The following TDRP variants were observed in gnomAD, a reference collection of about 807,000 sequenced individuals.
TDRP encodes the protein testis development related protein.
In TDRP, 12 loss-of-function variants were observed where a neutral mutation model predicts 10.5. The observed-to-expected ratio is 1.15, with a 90% CI of 0.73 to 1.86. The LOEUF (loss-of-function observed/expected upper bound fraction) is 1.86, where lower values mean the gene tolerates loss of function less well. Among genes scored for constraint, TDRP ranks in the 40% most tolerant of loss-of-function variants. The probability of loss-of-function intolerance (pLI) is 0.00; values close to 1 mark genes in which losing one functional copy is unlikely to be tolerated. For missense variants in TDRP, 353 were observed against 229.2 expected, an observed-to-expected ratio of 1.54 and a Z score of -3.49; for synonymous variants, 139 against 95.4, an observed-to-expected ratio of 1.46 and a Z score of -2.67.
chr8:508,479 G>A (rs1801526229), intron 1 of TDRP, among the ~76,000 whole-genome samples: 1 of 152,190 alleles, frequency 6.6e-6, no homozygotes, highest in Admixed American at 6.5e-5. Flanking sequence ...TAATATGGCA[G>A]CATTCAAGAC....
At chr8:496,338 A>AT (rs1472897427) in intron 1 of TDRP, among the ~76,000 whole-genome samples, 1 of 152,212 alleles carries the variant, frequency 6.6e-6, no homozygotes, top group East Asian at 1.9e-4. Flanking sequence ...AATTAAGAAC[A>AT]TAATTCTAGA....
chr8:493,019 G>C (rs956294901), intron 2 of TDRP, among the ~76,000 whole-genome samples: 1 of 152,142 alleles, frequency 6.6e-6, no homozygotes, highest in African/African-American at 2.4e-5. Flanking sequence ...ACACAAGAGA[G>C]AACCTCAAGG....
intron 1 of TDRP, among the ~76,000 whole-genome samples, chr8:498,829 T>C (rs1187724231): frequency 6.6e-6 from 1 of 152,160 alleles, no homozygotes; most frequent in African/African-American, 2.4e-5. Context: ...TTGCTGTTCT[T>C]GTGATAGTGA....
chr8:544,208 G>A (rs148597679), intron 1 of TDRP, among the ~76,000 whole-genome samples: 1 of 152,148 alleles, frequency 6.6e-6, no homozygotes, highest in Non-Finnish European at 1.5e-5. Flanking sequence ...GATGCGCGAT[G>A]ATTCAGGCCT....
intron 2 of TDRP, 43 bp from the exon 3 acceptor site, chr8:492,787 A>T: frequency 7.0e-7 from 1 of 1,428,052 alleles, no homozygotes; most frequent in South Asian, 1.4e-5. Flanking sequence ...CCCAGGTCTT[A>T]GGGCCTCAAG....
chr8:514,972 G>A (rs1801719142), intron 1 of TDRP, among the ~76,000 whole-genome samples: 1 of 152,140 alleles, frequency 6.6e-6, no homozygotes, highest in African/African-American at 2.4e-5. Flanking sequence ...AGACAATCAG[G>A]AAAAGTCATA....
chr8:526,695 G>C (rs1045429513), intron 1 of TDRP, among the ~76,000 whole-genome samples: 1 of 151,962 alleles, frequency 6.6e-6, no homozygotes. Context: ...TTTTATATGA[G>C]GGCAATACTA....
At position 503,915 on chromosome 8, in the gene TDRP, G is replaced by C. The variant is rs61328717; in HGVS notation, c.109-9318C>G. Among the ~76,000 whole-genome samples, 17 of 126,906 alleles carry C rather than the reference G, an allele frequency of 1.3e-4. 1 individual carries two copies. Among genetic ancestry groups the C allele is most frequent in the Admixed American group, 8.8e-4 (11 of 12,470 alleles). 83.3% of individuals were successfully genotyped at this position (126,906 alleles called of 152,430 possible). A position where few individuals can be genotyped will look rare whatever the true frequency, so the allele number is the denominator to read the frequency against. ...GGGTAACCCACCCCCACCTCAGCAC[G>C]CACCAACATGGAATCCAGAGCCACA... is the stretch of plus-strand genomic sequence containing the variant. On this transcript the variant is annotated intron_variant, in intron 1 of 2. Transcript: ENST00000324079.
intron 1 of TDRP, among the ~76,000 whole-genome samples, chr8:531,726 T>C (rs573203177): frequency 4.6e-5 from 7 of 152,332 alleles, no homozygotes; most frequent in African/African-American, 1.7e-4. Context: ...TTTAAAAATA[T>C]CACTATAAAA....
chr8:494,432 A>G, intron 2 of TDRP, 62 bp downstream of exon 2: 1 of 1,514,940 alleles, frequency 6.6e-7, no homozygotes, highest in Non-Finnish European at 9.1e-7. Flanking sequence ...CTTCATTTCC[A>G]CCTCCTCAGT....
At chr8:527,143 G>C (rs1405714016) in intron 1 of TDRP, among the ~76,000 whole-genome samples, 1 of 151,338 alleles carries the variant, frequency 6.6e-6, no homozygotes, top group Non-Finnish European at 1.5e-5. Context: ...ACCAAAAGCA[G>C]ACAATCTGAA....
chr8:544,376 G>A (rs987492978), intron 1 of TDRP, among the ~76,000 whole-genome samples: 1 of 152,082 alleles, frequency 6.6e-6, no homozygotes, highest in Non-Finnish European at 1.5e-5. Context: ...CCTGCAAGCG[G>A]CGAGAACGCC....
chr8:517,243 G>T (rs975808081), intron 1 of TDRP, among the ~76,000 whole-genome samples: 11 of 152,002 alleles, frequency 7.2e-5, no homozygotes, highest in African/African-American at 2.4e-4. Context: ...AGGCCCTAAA[G>T]GAAATAAAAA....
intron 1 of TDRP, among the ~76,000 whole-genome samples, chr8:500,494 G>A (rs1419090472): frequency 1.3e-5 from 2 of 152,138 alleles, no homozygotes; most frequent in African/African-American, 2.4e-5. Context: ...TTCACCTCCT[G>A]TAATCAGAAA....
At chr8:498,293 T>C (rs143773266) in intron 1 of TDRP, among the ~76,000 whole-genome samples, 78 of 152,352 alleles carry the variant, frequency 5.1e-4, no homozygotes, top group African/African-American at 1.9e-3. Context: ...TCTGTGGAGA[T>C]GCCCAATGCG....
chr8:537,510 G>T (rs763897732), intron 1 of TDRP, among the ~76,000 whole-genome samples: 1 of 152,056 alleles, frequency 6.6e-6, no homozygotes, highest in Non-Finnish European at 1.5e-5. Context: ...AAATATTAAG[G>T]GCTGGATATG....
intron 1 of TDRP, among the ~76,000 whole-genome samples, chr8:529,020 G>A (rs1563129857): frequency 6.6e-6 from 1 of 152,168 alleles, no homozygotes; most frequent in Non-Finnish European, 1.5e-5. Context: ...ACAGGAGAAA[G>A]ATATAGGCTG....
In TDRP at chr8:544,664, C is replaced by A; in HGVS notation, c.94G>T (p.Ala32Ser). The A allele has an allele frequency of 2.3e-6, 1 of 438,052 alleles. No individual in the cohort carries two copies. The highest frequency in any genetic ancestry group is 3.2e-6 in the Non-Finnish European group (1 of 309,642). 27.1% of individuals were successfully genotyped at this position (438,052 alleles called of 1,614,324 possible). A position where few individuals can be genotyped will look rare whatever the true frequency, so the allele number is the denominator to read the frequency against. Reference protein sequence around the residue: ...RGGPPPAAAAAAQAQVQGASF... With the variant: ...RGGPPPAAAASAQAQVQGASF... The stretch of plus-strand genomic sequence containing the variant: ...CACCCCCTCACCTGCGCCTGGGCGG[C>A]GGCGGCGGCGGCCGGTGGCGGCCCC... The change falls in exon 1 of 3, where the codon GCC becomes TCC. Residue 32 changes from alanine to serine, a missense_variant. Transcript: ENST00000324079.
At chr8:532,775 A>G (rs1372608824) in intron 1 of TDRP, among the ~76,000 whole-genome samples, 1 of 152,202 alleles carries the variant, frequency 6.6e-6, no homozygotes, top group African/African-American at 2.4e-5. Context: ...CCTTTAGTCT[A>G]AACTAAGGGT....
Sources: gnomAD v4.1 joint callset for allele counts (sites outside exome capture counted in the v4.1 genomes callset) on GRCh38, gnomAD v4.1.1 for gene constraint, MANE v1.5 for transcripts, NCBI Gene and HGNC (gene_info 2026-07-23, HGNC 2026-07-21) for gene names.